Variants in PM20D2 observed in about 807,000 individuals in gnomAD.
PM20D2 encodes the protein peptidase M20 domain containing 2, also known as xaa-Arg dipeptidase.
In PM20D2, 33 loss-of-function variants were observed where a neutral mutation model predicts 42.9. The observed-to-expected ratio is 0.77, with a 90% CI of 0.58 to 1.03. PM20D2 has a LOEUF of 1.03. PM20D2 is among the 50% of genes least tolerant of loss of function. PM20D2 has a pLI of 0.00. For missense variants in PM20D2, 548 were observed against 557.0 expected, an observed-to-expected ratio of 0.98 and a Z score of 0.16; for synonymous variants, 250 against 228.2, an observed-to-expected ratio of 1.10 and a Z score of -0.86.
At position 89,146,425 on chromosome 6, in the gene PM20D2, C is replaced by T. The variant is rs1770554811; in HGVS notation, c.281C>T (p.Pro94Leu). 1.3e-6 allele frequency: 2 copies of T among 1,523,360 alleles called. No homozygotes were observed. Among genetic ancestry groups the T allele is most frequent in the Middle Eastern group, 2.1e-4 (1 of 4,656 alleles). The allele number at this position is 1,523,360 out of a possible 1,614,324, so 94.4% of individuals were successfully genotyped here. A position where few individuals can be genotyped will look rare whatever the true frequency, so the allele number is the denominator to read the frequency against. Reference sequence around the variant, plus strand: ...GCCTTCCGCGCCGAGTGGGAGCCGCCGGAGGCCCGGGCACCGAGCGCCACG... The same window carrying T: ...GCCTTCCGCGCCGAGTGGGAGCCGCTGGAGGCCCGGGCACCGAGCGCCACG... The part of the protein sequence containing the change: ...PTAFRAEWEP[P>L]EARAPSATPR... Residue 94 changes from proline (P) to leucine (L), a missense_variant, in exon 1 of 7, where the codon CCG becomes CTG. Pro to Leu is a moderately conservative substitution (Grantham distance 98). Coordinates refer to ENST00000275072, the MANE Select transcript of PM20D2 (RefSeq NM_001010853.3).
At chr6:89,113,649 A>G in the PM20D2 span, among the ~76,000 whole-genome samples, 1 of 151,966 alleles carries the variant, frequency 6.6e-6, no homozygotes, top group Non-Finnish European at 1.5e-5. Flanking sequence ...GTTAAAGCCT[A>G]TTTATTTATT....
chr6:89,121,918 C>T, the PM20D2 span, among the ~76,000 whole-genome samples: 3 of 152,170 alleles, frequency 2.0e-5, no homozygotes, highest in Non-Finnish European at 4.4e-5. Context: ...ATTTAGATAT[C>T]ATCACCTGAC....
chr6:89,151,514 C>T lies in PM20D2; in HGVS notation c.615-1529C>T, dbSNP rs528860799. Among the ~76,000 whole-genome samples the T allele has an allele frequency of 1.0e-3, 158 of 152,134 alleles. 1 individual carries two copies. The highest frequency in any genetic ancestry group is 5.9e-4 in the Admixed American group (9 of 15,284). On this transcript the variant is annotated intron_variant, in intron 2 of 6. Coordinates refer to ENST00000275072, the MANE Select transcript of PM20D2 (RefSeq NM_001010853.3). ...AAGGGCTGGAATTACAGGCATGAGC[C>T]GCCAGGCCCAACCACAAATTTCTAA...
intron 5 of PM20D2, among the ~76,000 whole-genome samples, chr6:89,159,040 C>T (rs1017919615): frequency 6.6e-6 from 1 of 151,910 alleles, no homozygotes; most frequent in Admixed American, 6.6e-5. Flanking sequence ...ATAAGGAGTT[C>T]AAGAGAAAGA....
chr6:89,131,338 A>G, the PM20D2 span, among the ~76,000 whole-genome samples: 3 of 152,260 alleles, frequency 2.0e-5, no homozygotes, highest in African/African-American at 7.2e-5. Context: ...GGAGGGGACA[A>G]ATATTCAACC....
chr6:89,099,836 A>T, the PM20D2 span, among the ~76,000 whole-genome samples: 1 of 152,146 alleles, frequency 6.6e-6, no homozygotes, highest in Non-Finnish European at 1.5e-5. Context: ...CACCCAGCCG[A>T]AAACAACTAT....
chr6:89,127,552 T>G, the PM20D2 span, among the ~76,000 whole-genome samples: 1 of 152,152 alleles, frequency 6.6e-6, no homozygotes, highest in Non-Finnish European at 1.5e-5. Context: ...AGTCTCAAAC[T>G]CATGACCTCA....
At chr6:89,158,751 G>A (rs1488342428) in intron 5 of PM20D2, among the ~76,000 whole-genome samples, 1 of 152,120 alleles carries the variant, frequency 6.6e-6, no homozygotes, top group Non-Finnish European at 1.5e-5. Flanking sequence ...AGTTGCTAAG[G>A]TGGGATATAG....
At chr6:89,099,443 C>CATATATATGTGTGTATATATACACACAT in the PM20D2 span, among the ~76,000 whole-genome samples, 4 of 138,748 alleles carry the variant, frequency 2.9e-5, no homozygotes, top group African/African-American at 1.2e-4. Context: ...TATATATACA[C>CATATATATGTGTGTATATATACACACAT]ATATATATGT....
the PM20D2 span, among the ~76,000 whole-genome samples, chr6:89,100,551 T>C: frequency 1.3e-5 from 2 of 149,018 alleles, no homozygotes; most frequent in African/African-American, 2.5e-5. Context: ...CAAGAATAAC[T>C]AAAAACTAAG....
chr6:89,123,224 G>C, the PM20D2 span, among the ~76,000 whole-genome samples: 1 of 152,080 alleles, frequency 6.6e-6, no homozygotes, highest in Non-Finnish European at 1.5e-5. Context: ...ACAGTGCTAG[G>C]AACTGGGGAT....
chr6:89,117,777 C>T, the PM20D2 span: 7 of 1,515,714 alleles, frequency 4.6e-6, no homozygotes, highest in African/African-American at 1.4e-5. Flanking sequence ...GCGGCTGTTA[C>T]CCCGCCCCTC....
At chr6:89,124,487 A>T in the PM20D2 span, among the ~76,000 whole-genome samples, 1 of 152,166 alleles carries the variant, frequency 6.6e-6, no homozygotes, top group Admixed American at 6.6e-5. Flanking sequence ...AGTATGGAGG[A>T]TATAATGGAA....
At chr6:89,103,875 T>C in the PM20D2 span, among the ~76,000 whole-genome samples, 1 of 152,242 alleles carries the variant, frequency 6.6e-6, no homozygotes, top group East Asian at 1.9e-4. Flanking sequence ...CTATTTAATA[T>C]GTCTTCTTCA....
chr6:89,094,286 C>T, the PM20D2 span, among the ~76,000 whole-genome samples: 2 of 150,770 alleles, frequency 1.3e-5, no homozygotes, highest in African/African-American at 4.9e-5. Flanking sequence ...GCAGTGGCAC[C>T]ATCTTGGTTC....
rs140616294 is a variant in PM20D2 at position 89,155,506 on chromosome 6, T to C, written c.912+604T>C. Reference sequence around the variant, plus strand: ...GGTCTCACCATGTTGCCCAGGCTGGTCTCAAACTCCTGAGCTCAAGTGATC... The same window carrying C: ...GGTCTCACCATGTTGCCCAGGCTGGCCTCAAACTCCTGAGCTCAAGTGATC... On this transcript the variant is annotated intron_variant, in intron 4 of 6. Transcript: ENST00000275072. Among the ~76,000 whole-genome samples the C allele has an allele frequency of 8.6e-3, 1,298 of 151,590 alleles. 18 individuals are homozygous for C. Among genetic ancestry groups the C allele is most frequent in the African/African-American group, 0.029 (1,187 of 41,274 alleles).
chr6:89,110,875 G>A, the PM20D2 span, among the ~76,000 whole-genome samples: 2 of 152,060 alleles, frequency 1.3e-5, no homozygotes, highest in Non-Finnish European at 2.9e-5. Flanking sequence ...CAGCAGTTTG[G>A]GAGGCCAAGG....
chr6:89,098,998 C>A, the PM20D2 span: 2 of 1,522,760 alleles, frequency 1.3e-6, no homozygotes, highest in South Asian at 1.3e-5. Flanking sequence ...AATAAGAGAT[C>A]AGGAAATAAC....
chr6:89,120,276 C>T, the PM20D2 span, among the ~76,000 whole-genome samples: 3 of 152,156 alleles, frequency 2.0e-5, no homozygotes, highest in African/African-American at 7.2e-5. Context: ...CTTATAAGGA[C>T]ATTTGTCGTT....
Sources: gnomAD v4.1 joint callset for allele counts (sites outside exome capture counted in the v4.1 genomes callset) on GRCh38, gnomAD v4.1.1 for gene constraint, MANE v1.5 for transcripts, NCBI Gene and HGNC (gene_info 2026-07-23, HGNC 2026-07-21) for gene names.